CNTN4: variants seen among roughly 807,000 people sequenced by gnomAD.
CNTN4 encodes contactin 4.
CNTN4 carries 77 observed loss-of-function variants against 122.5 expected under a neutral mutation model. That is an observed-to-expected ratio of 0.63 (90% CI 0.52 to 0.76). CNTN4 has a LOEUF of 0.76. Ranked by LOEUF, CNTN4 falls within the 30% of genes least tolerant of loss-of-function variation. The pLI, the probability that CNTN4 is intolerant of heterozygous loss-of-function variation, is 0.00. For missense variants in CNTN4, 1,256 were observed against 1,259.1 expected (o/e 1.00, Z 0.04); for synonymous variants, 512 against 447.0 (o/e 1.15, Z -1.83).
Position 2,481,099 on chromosome 3 carries a change from T to TTCTTTCTC in CNTN4, c.-88-90300_-88-90293dup, listed in dbSNP as rs965356204. ...TTTCTCTCTTTCTCTCTTTCTTTCT[T>TTCTTTCTC]TCTTTCTCTCTTTCTCTCTTTCTCC... On this transcript the variant is annotated intron_variant, in intron 3 of 24. Transcript: ENST00000418658. Among the ~76,000 whole-genome samples, 72 of 90,630 alleles carry TTCTTTCTC rather than the reference T, an allele frequency of 7.9e-4. 1 individual carries two copies. The highest frequency in any genetic ancestry group is 0.012 in the Middle Eastern group (2 of 164). The allele number at this position is 90,630 out of a possible 152,430, so 59.5% of individuals were successfully genotyped here.
chr3:2,815,928 A>G (rs1323324591), intron 6 of CNTN4, among the ~76,000 whole-genome samples: 5 of 150,434 alleles, frequency 3.3e-5, no homozygotes, highest in Non-Finnish European at 4.4e-5. Context: ...GGATGAATAA[A>G]CAGCATTTGC....
intron 7 of CNTN4, among the ~76,000 whole-genome samples, chr3:2,856,548 A>T (rs1437273703): frequency 2.0e-5 from 3 of 151,778 alleles, no homozygotes; most frequent in Non-Finnish European, 4.4e-5. Context: ...CTTTCTTAAA[A>T]TACAATTTCG....
intron 4 of CNTN4, among the ~76,000 whole-genome samples, chr3:2,603,451 A>G (rs1358307874): frequency 3.9e-5 from 6 of 152,236 alleles, no homozygotes; most frequent in African/African-American, 1.4e-4. Context: ...AAATCTTTAC[A>G]GAAACAAAAT....
chr3:2,133,497 G>A lies in CNTN4; in HGVS notation c.-145+32858G>A, dbSNP rs192888834. ...AAATTGCACATTCCAATGTCAATCT[G>A]TTCTCAAAAGAGTATAGTTCAAAGT... On this transcript the variant is annotated intron_variant, in intron 2 of 24. Coordinates refer to ENST00000418658, the MANE Select transcript of CNTN4 (RefSeq NM_175607.3). Among the ~76,000 whole-genome samples, 418 of 152,294 alleles carry A rather than the reference G, an allele frequency of 2.7e-3. 3 individuals carry two copies. The highest frequency in any genetic ancestry group is 9.5e-3 in the African/African-American group (394 of 41,560).
intron 4 of CNTN4, among the ~76,000 whole-genome samples, chr3:2,690,010 G>A (rs1191676442): frequency 1.3e-5 from 2 of 152,052 alleles, no homozygotes; most frequent in Non-Finnish European, 2.9e-5. Flanking sequence ...TTGTTGCTCA[G>A]GGGAAAACTG....
At chr3:2,707,862 T>C (rs1438350023) in intron 4 of CNTN4, among the ~76,000 whole-genome samples, 2 of 152,174 alleles carry the variant, frequency 1.3e-5, no homozygotes, top group Non-Finnish European at 2.9e-5. Flanking sequence ...CTAGATGTCA[T>C]GTGCTGAAGC....
At chr3:2,404,864 G>A (rs1357933010) in intron 3 of CNTN4, among the ~76,000 whole-genome samples, 3 of 151,996 alleles carry the variant, frequency 2.0e-5, no homozygotes, top group Non-Finnish European at 1.5e-5. Context: ...GAATGTACTA[G>A]GTGCTTTCAA....
chr3:2,257,880 T>G (rs2040664783), intron 2 of CNTN4, among the ~76,000 whole-genome samples: 1 of 152,066 alleles, frequency 6.6e-6, no homozygotes, highest in Admixed American at 6.6e-5. Flanking sequence ...GGGGCCTACA[T>G]GGTCAAACCC....
At chr3:3,022,972 C>G (rs1238572599) in intron 14 of CNTN4, among the ~76,000 whole-genome samples, 5 of 152,132 alleles carry the variant, frequency 3.3e-5, no homozygotes, top group African/African-American at 4.8e-5. Context: ...GCTGAAGTGA[C>G]TCTTCAGAAC....
At chr3:3,015,733 T>A (rs1697695336) in intron 14 of CNTN4, among the ~76,000 whole-genome samples, 1 of 152,206 alleles carries the variant, frequency 6.6e-6, no homozygotes, top group African/African-American at 2.4e-5. Flanking sequence ...GAATGGCACT[T>A]GGTTTTTCTT....
chr3:2,243,784 A>G (rs2040032918), intron 2 of CNTN4, among the ~76,000 whole-genome samples: 1 of 152,074 alleles, frequency 6.6e-6, no homozygotes, highest in Non-Finnish European at 1.5e-5. Flanking sequence ...TTTTACATGT[A>G]GAGAGGTCAT....
At chr3:2,613,814 A>ATGTT (rs761708873) in intron 4 of CNTN4, among the ~76,000 whole-genome samples, 2 of 151,906 alleles carry the variant, frequency 1.3e-5, no homozygotes, top group African/African-American at 2.4e-5. Flanking sequence ...AACAGCTTAA[A>ATGTT]TGTTTGTTTG....
At chr3:2,181,114 GT>G in intron 2 of CNTN4, among the ~76,000 whole-genome samples, 1 of 152,144 alleles carries the variant, frequency 6.6e-6, no homozygotes, top group Non-Finnish European at 1.5e-5. Flanking sequence ...AAAATCATTA[GT>G]TTTATGACTC....
intron 2 of CNTN4, among the ~76,000 whole-genome samples, chr3:2,160,901 G>A (rs2035938304): frequency 6.6e-6 from 1 of 152,012 alleles, no homozygotes; most frequent in Non-Finnish European, 1.5e-5. Context: ...TAGGATACAG[G>A]GTGAACAAGA....
At chr3:2,903,056 A>T (rs756335650) in intron 12 of CNTN4, 51 bp downstream of exon 12, 1 of 1,571,278 alleles carries the variant, frequency 6.4e-7, no homozygotes, top group Non-Finnish European at 8.7e-7. Flanking sequence ...TTAGATCACT[A>T]AACTAACTTG....
At chr3:2,218,948 C>A (rs180981090) in intron 2 of CNTN4, among the ~76,000 whole-genome samples, 2 of 152,284 alleles carry the variant, frequency 1.3e-5, no homozygotes, top group Admixed American at 1.3e-4. Flanking sequence ...ATGTGAGGAG[C>A]ATCTGTTAGA....
At chr3:2,559,019 T>A (rs1260490232) in intron 3 of CNTN4, among the ~76,000 whole-genome samples, 4 of 152,212 alleles carry the variant, frequency 2.6e-5, no homozygotes, top group African/African-American at 7.2e-5. Context: ...TTTGCCCGAT[T>A]TGGCCTAAGT....
At chr3:2,388,019 G>A (rs2046309992) in intron 3 of CNTN4, among the ~76,000 whole-genome samples, 1 of 152,144 alleles carries the variant, frequency 6.6e-6, no homozygotes, top group Admixed American at 6.6e-5. Context: ...CTTAAGTGTG[G>A]CATTATAATT....
intron 3 of CNTN4, among the ~76,000 whole-genome samples, chr3:2,530,720 T>C: frequency 6.6e-6 from 1 of 152,212 alleles, no homozygotes; most frequent in East Asian, 1.9e-4. Flanking sequence ...TTTCCTTTTA[T>C]TATTTAGAGA....
Sources: allele counts gnomAD v4.1 joint callset (sites outside exome capture counted in the v4.1 genomes callset), GRCh38; gene constraint gnomAD v4.1.1; transcripts MANE v1.5; gene names NCBI Gene and HGNC (gene_info 2026-07-23, HGNC 2026-07-21).